The following PPP1CC variants were observed in gnomAD, a reference collection of about 807,000 sequenced individuals.
The protein encoded by PPP1CC is protein phosphatase 1 catalytic subunit gamma.
In PPP1CC, 16 loss-of-function variants were observed where a neutral mutation model predicts 38.4. The ratio of observed to expected loss-of-function variants is 0.42; its 90% CI spans 0.28 to 0.63. PPP1CC has a LOEUF of 0.63. Ranked by LOEUF, PPP1CC falls within the 30% of genes least tolerant of loss-of-function variation. The pLI, the probability that PPP1CC is intolerant of heterozygous loss-of-function variation, is 0.25. For missense variants in PPP1CC, 170 were observed against 391.3 expected (o/e 0.43, Z 4.77); for synonymous variants, 158 against 136.0 (o/e 1.16, Z -1.13).
At chr12:110,724,262 A>C (rs2069770524) in intron 4 of PPP1CC, among the ~76,000 whole-genome samples, 2 of 151,792 alleles carry the variant, frequency 1.3e-5, no homozygotes, top group Non-Finnish European at 2.9e-5. Flanking sequence ...AAAACAAAAA[A>C]AACCAAAAAC....
chr12:110,715,598 A>G (rs1347375732), downstream of PPP1CC, among the ~76,000 whole-genome samples: 1 of 151,834 alleles, frequency 6.6e-6, no homozygotes, highest in African/African-American at 2.4e-5. Context: ...AATTCTCCCA[A>G]GTTTGATGCT....
Position 110,724,778 on chromosome 12 carries a change from G to A in PPP1CC, c.419-14C>T. The A allele has an allele frequency of 6.9e-7, 1 of 1,452,184 alleles. No individual in the cohort carries two copies. The highest frequency in any genetic ancestry group is 9.7e-7 in the Non-Finnish European group (1 of 1,033,514). The allele number at this position is 1,452,184 out of a possible 1,614,324, so 90.0% of individuals were successfully genotyped here. On this transcript the variant is annotated splice_polypyrimidine_tract_variant and intron_variant, in intron 3 of 6. Coordinates refer to ENST00000335007, the MANE Select transcript of PPP1CC (RefSeq NM_002710.4). ...ATCTTCTTTTACCTGTGATTAAAAAGAGAGTATTACATTAAAAAGAGAGTA... is the reference window on the plus strand; with the variant it reads ...ATCTTCTTTTACCTGTGATTAAAAAAAGAGTATTACATTAAAAAGAGAGTA...
the PPP1CC span, among the ~76,000 whole-genome samples, chr12:110,713,282 G>A: frequency 1.3e-5 from 2 of 151,822 alleles, no homozygotes; most frequent in Non-Finnish European, 2.9e-5. Flanking sequence ...GCAGGCACAC[G>A]CTGCCACGCC....
intron 3 of PPP1CC, among the ~76,000 whole-genome samples, chr12:110,729,281 G>A (rs1372793998): frequency 7.2e-6 from 1 of 139,360 alleles, no homozygotes; most frequent in Admixed American, 7.8e-5. Flanking sequence ...TGCAACCTCC[G>A]ACTCCTGGGT....
At chr12:110,741,771 T>G (rs1244928525) in intron 1 of PPP1CC, among the ~76,000 whole-genome samples, 1 of 152,222 alleles carries the variant, frequency 6.6e-6, no homozygotes, top group Non-Finnish European at 1.5e-5. Context: ...TGACTTCATC[T>G]CAGTTTCTTC....
downstream of PPP1CC, among the ~76,000 whole-genome samples, chr12:110,718,965 C>A (rs1319188730): frequency 1.3e-5 from 2 of 151,976 alleles, no homozygotes; most frequent in Non-Finnish European, 2.9e-5. Flanking sequence ...ATCCTTAGTA[C>A]TTGATAAATG....
At position 110,722,699 on chromosome 12, in the gene PPP1CC, T is replaced by C. The variant is rs746103863; in HGVS notation, c.524-4A>G. ...GATTGAAGATCTGGTGATAAACCTA[T>C]TCAATGAGGAAAAAAAAAAAATGAA... On this transcript the variant is annotated splice_polypyrimidine_tract_variant and splice_region_variant and intron_variant, in intron 4 of 6. Coordinates refer to ENST00000335007, the MANE Select transcript of PPP1CC (RefSeq NM_002710.4). This position sits in a 1 kb window ranked among gnomAD's most constrained non-coding sequence, Gnocchi z 5.4. 3.8e-6 allele frequency: 6 copies of C among 1,583,930 alleles called. No individual in the cohort carries two copies. The East Asian group carries it at 1.1e-4, about 30-fold the overall frequency.
downstream of PPP1CC, among the ~76,000 whole-genome samples, chr12:110,716,071 A>G (rs945235110): frequency 6.6e-6 from 1 of 151,312 alleles, no homozygotes; most frequent in African/African-American, 2.4e-5. Context: ...TTCCATCCCA[A>G]TAGCAAGGTA....
intron 3 of PPP1CC, chr12:110,724,982 G>A (rs971306563): frequency 7.6e-5 from 25 of 327,452 alleles, no homozygotes; most frequent in African/African-American, 3.3e-4. Flanking sequence ...CCAGCACTTC[G>A]GGAGGCTGAG....
intron 6 of PPP1CC, chr12:110,721,667 GA>G (rs1345462432): frequency 1.7e-5 from 3 of 179,562 alleles, no homozygotes; most frequent in Non-Finnish European, 2.3e-5. Flanking sequence ...AAGCAAATGA[GA>G]AAAAGGCTGA....
At position 110,742,680 on chromosome 12, in the gene PPP1CC, C is replaced by T; in HGVS notation, c.28G>A (p.Asp10Asn). Residue 10 changes from aspartate to asparagine, a missense_variant, in exon 1 of 7, where the codon GAC (aspartate) becomes AAC (asparagine). This residue lies in a region of PPP1CC where 30 missense variants were observed against 23.0 expected (regional missense o/e 1.30). Transcript: ENST00000335007. MADLDKLNI[D>N]SIIQRLLEVR... ...TCCAGCAGCCGTTGGATAATGCTGT[C>T]GATGTTGAGTTTATCTAAATCCGCC... The T allele has an allele frequency of 6.8e-7, 1 of 1,473,146 alleles. No homozygotes were observed. Among genetic ancestry groups the T allele is most frequent in the African/African-American group, 1.4e-5 (1 of 69,184 alleles). 91.3% of individuals were successfully genotyped at this position (1,473,146 alleles called of 1,614,324 possible). A position where few individuals can be genotyped will look rare whatever the true frequency, so the allele number is the denominator to read the frequency against.
At chr12:110,717,162 C>T (rs926133946), downstream of PPP1CC, among the ~76,000 whole-genome samples, 13 of 152,158 alleles carry the variant, frequency 8.5e-5, no homozygotes, top group African/African-American at 3.1e-4. Flanking sequence ...TGGGCTAATC[C>T]TCACAATCCC....
At position 110,742,622 on chromosome 12, in the gene PPP1CC, TCCCCCTTCAGCCGCCCGCCG is replaced by T; in HGVS notation, c.55+11_55+30del. 9.5e-7 allele frequency: 1 copy of T among 1,049,462 alleles called. No homozygotes were observed. Among genetic ancestry groups the T allele is most frequent in the South Asian group, 2.6e-5 (1 of 38,690 alleles). The allele number at this position is 1,049,462 out of a possible 1,614,324, so 65.0% of individuals were successfully genotyped here. On this transcript the variant is annotated intron_variant, in intron 1 of 6. Coordinates refer to ENST00000335007, the MANE Select transcript of PPP1CC (RefSeq NM_002710.4). ...GCCGCCTGCCGCCCTCAGGCCCGCCTCCCCCTTCAGCCGCCCGCCGCCCCCCTTACCTTCCAGCAGCCGTT... is the reference window on the plus strand; with the variant it reads ...GCCGCCTGCCGCCCTCAGGCCCGCCTCCCCCCTTACCTTCCAGCAGCCGTT...
intron 3 of PPP1CC, among the ~76,000 whole-genome samples, chr12:110,728,669 G>C (rs1023849162): frequency 6.6e-6 from 1 of 152,124 alleles, no homozygotes; most frequent in Non-Finnish European, 1.5e-5. Flanking sequence ...AGTAGTAACT[G>C]GCTTACTGGT....
Position 110,728,952 on chromosome 12 carries a change from C to A in PPP1CC, c.418+1577G>T, listed in dbSNP as rs113246226. On this transcript the variant is annotated intron_variant, in intron 3 of 6. Coordinates refer to ENST00000335007, the MANE Select transcript of PPP1CC (RefSeq NM_002710.4). ...ATCTATGTGAATTGAGATGGAAAAACACTGCATCTGGAGACTCTAGGTTAC... is the reference window on the plus strand; with the variant it reads ...ATCTATGTGAATTGAGATGGAAAAAAACTGCATCTGGAGACTCTAGGTTAC... Among the ~76,000 whole-genome samples the A allele has an allele frequency of 1.5e-3, 225 of 152,274 alleles. 1 individual carries two copies. Among genetic ancestry groups the A allele is most frequent in the African/African-American group, 5.1e-3 (211 of 41,544 alleles).
downstream of PPP1CC, among the ~76,000 whole-genome samples, chr12:110,717,005 A>G (rs1413991782): frequency 6.6e-6 from 1 of 152,142 alleles, no homozygotes; most frequent in East Asian, 1.9e-4. Flanking sequence ...GATGAATGAA[A>G]AGTGACTTCT....
At chr12:110,727,158 T>C (rs56339227) in intron 3 of PPP1CC, among the ~76,000 whole-genome samples, 25,134 of 152,150 alleles carry the variant, frequency 0.17, 3,070 homozygotes, top group African/African-American at 0.35. Context: ...TCCTGACCTC[T>C]TGTGATCAGG....
At chr12:110,728,668 T>G (rs991076053) in intron 3 of PPP1CC, among the ~76,000 whole-genome samples, 2 of 152,238 alleles carry the variant, frequency 1.3e-5, no homozygotes, top group African/African-American at 4.8e-5. Flanking sequence ...GAGTAGTAAC[T>G]GGCTTACTGG....
At chr12:110,710,990 A>G in the PPP1CC span, among the ~76,000 whole-genome samples, 2 of 151,920 alleles carry the variant, frequency 1.3e-5, no homozygotes, top group African/African-American at 2.4e-5. Flanking sequence ...AGCCTGGACA[A>G]CATGGTGAAA....
Sources: allele counts gnomAD v4.1 joint callset (sites outside exome capture counted in the v4.1 genomes callset), GRCh38; gene constraint gnomAD v4.1.1; regional missense constraint gnomAD v4.1.1; non-coding constraint Gnocchi (gnomAD v3.1); transcripts MANE v1.5; gene names NCBI Gene and HGNC (gene_info 2026-07-23, HGNC 2026-07-21).